The following CDKL2 variants were observed in gnomAD, a reference collection of about 807,000 sequenced individuals.
CDKL2 encodes the protein cyclin-dependent kinase-like 2.
CDKL2 carries 64 observed loss-of-function variants against 63.9 expected under a neutral mutation model. The ratio of observed to expected loss-of-function variants is 1.00; its 90% CI spans 0.82 to 1.23. CDKL2 has a LOEUF of 1.23. Ranked by LOEUF, CDKL2 falls within the 50% of genes most tolerant of loss-of-function variation. The probability of loss-of-function intolerance (pLI) is 0.00; values close to 1 mark genes in which losing one functional copy is unlikely to be tolerated. For missense variants in CDKL2, 656 were observed against 668.0 expected, an observed-to-expected ratio of 0.98 and a Z score of 0.20; for synonymous variants, 211 against 229.2, an observed-to-expected ratio of 0.92 and a Z score of 0.72.
rs1728107520 is a variant in CDKL2, at chr4:75,578,121, C to T, written c.*1081G>A. The T allele has an allele frequency of 6.6e-6, 1 of 152,102 alleles. No individual in the cohort carries two copies. Among genetic ancestry groups the T allele is most frequent in the African/African-American group, 2.4e-5 (1 of 41,410 alleles). The allele number at this position is 152,102 out of a possible 1,614,324, so 9.4% of individuals were successfully genotyped here. ...TAGCCAACTTAGTTTATTCCTCCCACCTAAAAAGTTTTGGATCCATGCATT... is the reference window on the plus strand; with the variant it reads ...TAGCCAACTTAGTTTATTCCTCCCATCTAAAAAGTTTTGGATCCATGCATT... On this transcript the variant is annotated 3_prime_UTR_variant, in exon 14 of 14. Transcript: ENST00000307465.
rs908455789 is a variant in CDKL2 at position 75,578,636 on chromosome 4, A to G, written c.*566T>C. On this transcript the variant is annotated 3_prime_UTR_variant, in exon 14 of 14. Coordinates refer to ENST00000307465, the MANE Select transcript of CDKL2 (RefSeq NM_001330724.2). ...ATATCTAGAAACGTGTAAGATTGTT[A>G]AGTGTGTTTTCATAGTTAAATTCAG... 6 of 152,386 alleles carry G rather than the reference A, an allele frequency of 3.9e-5. No homozygotes were observed. The highest frequency in any genetic ancestry group is 4.1e-4 in the South Asian group (2 of 4,830). The allele number at this position is 152,386 out of a possible 1,614,324, so 9.4% of individuals were successfully genotyped here.
chr4:75,614,294 A>T lies in CDKL2; in HGVS notation c.324T>A (p.Phe108Leu), dbSNP rs548637556. The T allele has an allele frequency of 4.4e-6, 7 of 1,608,450 alleles. No homozygotes were observed. In the African/African-American group the frequency reaches 6.7e-5, roughly 15 times the overall value. ...LDYQVVQKYLFQIINGIGFCH... is the reference protein window; with the variant it reads ...LDYQVVQKYLLQIINGIGFCH... Reference sequence around the variant, plus strand: ...AAAATCCAATTCCATTAATAATCTGAAACAAATACTTTTGAACTACTTGGT... The same window carrying T: ...AAAATCCAATTCCATTAATAATCTGTAACAAATACTTTTGAACTACTTGGT... The change falls in exon 3 of 14, where the codon TTT becomes TTA. Residue 108 changes from phenylalanine to leucine, a missense_variant. Transcript: ENST00000307465.
chr4:75,628,882 A>C (rs1393932911), intron 1 of CDKL2, among the ~76,000 whole-genome samples: 1 of 152,134 alleles, frequency 6.6e-6, no homozygotes. Context: ...GTGGAGAACC[A>C]GAAGATTGAT....
chr4:75,613,747 A>G (rs1026990829), intron 3 of CDKL2, among the ~76,000 whole-genome samples: 3 of 152,192 alleles, frequency 2.0e-5, no homozygotes, highest in Non-Finnish European at 4.4e-5. Flanking sequence ...CTTAGTAAAT[A>G]TTACCTTAAA....
chr4:75,608,126 T>C (rs1729510145), intron 3 of CDKL2, among the ~76,000 whole-genome samples: 1 of 139,524 alleles, frequency 7.2e-6, no homozygotes, highest in Admixed American at 7.3e-5. Flanking sequence ...AAAAACCTTT[T>C]TTTTTTTTTT....
rs1479477446 is a variant in CDKL2 at position 75,578,363 on chromosome 4, G to A, written c.*839C>T. ...GTTCAATAGCAATTGGTCCACAGAA[G>A]AGTAATCAGTCCTGATCAATTCTGT... On this transcript the variant is annotated 3_prime_UTR_variant, in exon 14 of 14. Coordinates refer to ENST00000307465, the MANE Select transcript of CDKL2 (RefSeq NM_001330724.2). The A allele has an allele frequency of 6.6e-6, 1 of 152,170 alleles. No individual in the cohort carries two copies. Among genetic ancestry groups the A allele is most frequent in the Non-Finnish European group, 1.5e-5 (1 of 68,042 alleles). 9.4% of individuals were successfully genotyped at this position (152,170 alleles called of 1,614,324 possible).
intron 3 of CDKL2, among the ~76,000 whole-genome samples, chr4:75,608,663 T>A (rs1299629090): frequency 6.6e-6 from 1 of 151,790 alleles, no homozygotes; most frequent in East Asian, 1.9e-4. Context: ...CTCAGAGGAA[T>A]GGGAAGGAGG....
chr4:75,590,073 G>A (rs1363598237), intron 12 of CDKL2, among the ~76,000 whole-genome samples: 2 of 151,354 alleles, frequency 1.3e-5, no homozygotes, highest in Non-Finnish European at 2.9e-5. Context: ...AAGCTGAGGT[G>A]GGAAGATTGC....
At chr4:75,620,223 T>G (rs1007168099) in intron 2 of CDKL2, among the ~76,000 whole-genome samples, 1 of 152,032 alleles carries the variant, frequency 6.6e-6, no homozygotes, top group African/African-American at 2.4e-5. Flanking sequence ...ATAATAGTAT[T>G]TCAAAGATAA....
At chr4:75,596,224 A>G (rs375490121) in intron 10 of CDKL2, 23 bp downstream of exon 10, 14 of 1,337,906 alleles carry the variant, frequency 1.0e-5, no homozygotes, top group African/African-American at 1.0e-4. Flanking sequence ...TTGCTCTTCT[A>G]CTACTGAGAA....
In CDKL2 at chr4:75,600,358, A is replaced by G. The variant is rs757244627; in HGVS notation, c.807T>C (p.His269=). Residue 269 remains histidine, a synonymous_variant, in exon 7 of 14, where the codon CAT becomes CAC. Transcript: ENST00000307465. ...AGAAGGGTCTTTTGTCGGGGTCAATATGTAAGCATTTCTGAAAAATTAAGA... is the reference window on the plus strand; with the variant it reads ...AGAAGGGTCTTTTGTCGGGGTCAATGTGTAAGCATTTCTGAAAAATTAAGA... ...VVIDLAKKCL[H]IDPDKRPFCA... 1 of 1,609,220 alleles carries G rather than the reference A, an allele frequency of 6.2e-7. No homozygotes were observed. The highest frequency in any genetic ancestry group is 1.1e-5 in the South Asian group (1 of 90,594).
At chr4:75,580,987 A>G (rs573998687) in intron 13 of CDKL2, among the ~76,000 whole-genome samples, 1 of 152,306 alleles carries the variant, frequency 6.6e-6, no homozygotes, top group East Asian at 1.9e-4. Flanking sequence ...GGCGTGAGCC[A>G]CCGCGCCCAG....
rs1728064682 is a variant in CDKL2 at position 75,577,295 on chromosome 4, TG to T, written c.*1906del. Among the ~76,000 whole-genome samples, 1 of 152,182 alleles carries T rather than the reference TG, an allele frequency of 6.6e-6. No individual in the cohort carries two copies. Among genetic ancestry groups the T allele is most frequent in the South Asian group, 2.1e-4 (1 of 4,830 alleles). ...GTTCAATATCTATTATTGTTGATTA[TG>T]TAATCTTGTTGATTACATCAACAAG... On this transcript the variant is annotated 3_prime_UTR_variant, in exon 14 of 14. Coordinates refer to ENST00000307465, the MANE Select transcript of CDKL2 (RefSeq NM_001330724.2).
Position 75,608,062 on chromosome 4 carries a change from G to A in CDKL2, c.364-701C>T, listed in dbSNP as rs192756270. 1.8e-4 allele frequency among the ~76,000 whole-genome samples: 26 copies of A among 148,214 alleles called. No individual in the cohort carries two copies. The East Asian group carries it at 4.8e-3, about 28-fold the overall frequency. On this transcript the variant is annotated intron_variant, in intron 3 of 13. Transcript: ENST00000307465. ...CTCCTGACCTCCTCGTGATCTGCCCGCCTCGGCCTCCCGAAGTGCTGAGAT... is the reference window on the plus strand; with the variant it reads ...CTCCTGACCTCCTCGTGATCTGCCCACCTCGGCCTCCCGAAGTGCTGAGAT...
At chr4:75,628,481 G>A (rs1017579171) in intron 1 of CDKL2, among the ~76,000 whole-genome samples, 2 of 152,096 alleles carry the variant, frequency 1.3e-5, no homozygotes, top group African/African-American at 4.8e-5. Flanking sequence ...AATCTTTCTT[G>A]TTTTACCAAT....
intron 6 of CDKL2, among the ~76,000 whole-genome samples, chr4:75,603,224 T>C (rs1729275853): frequency 6.8e-6 from 1 of 146,422 alleles, no homozygotes. Flanking sequence ...ATGGTCTCGA[T>C]CTCCTGACCT....
At chr4:75,626,114 G>C (rs112022264) in intron 1 of CDKL2, 97 bp from the exon 2 acceptor site, 14 of 760,332 alleles carry the variant, frequency 1.8e-5, no homozygotes, top group African/African-American at 8.8e-5. Flanking sequence ...TTCCATATTA[G>C]TCACTGTGTT....
intron 1 of CDKL2, among the ~76,000 whole-genome samples, chr4:75,628,035 G>A (rs1730511977): frequency 6.6e-6 from 1 of 150,678 alleles, no homozygotes; most frequent in Non-Finnish European, 1.5e-5. Flanking sequence ...TTAAATATTA[G>A]TAGTACCAAG....
At chr4:75,589,696 C>A (rs1040226724) in intron 12 of CDKL2, among the ~76,000 whole-genome samples, 22 of 151,846 alleles carry the variant, frequency 1.4e-4, no homozygotes, top group Non-Finnish European at 8.8e-5. Flanking sequence ...TATTCACACA[C>A]AAAAAACACA....
Sources: gnomAD v4.1 joint callset for allele counts (sites outside exome capture counted in the v4.1 genomes callset) on GRCh38, gnomAD v4.1.1 for gene constraint, MANE v1.5 for transcripts, NCBI Gene and HGNC (gene_info 2026-07-23, HGNC 2026-07-21) for gene names.